MCTP1: variants seen among roughly 807,000 people sequenced by gnomAD.
MCTP1 encodes multiple C2 and transmembrane domain containing 1, also known as multiple C2 and transmembrane domain-containing protein 1.
MCTP1 carries 69 observed loss-of-function variants against 120.6 expected under a neutral mutation model. That is an observed-to-expected ratio of 0.57 (90% CI 0.47 to 0.70). The LOEUF (loss-of-function observed/expected upper bound fraction) is 0.70, where lower values mean the gene tolerates loss of function less well. Ranked by LOEUF, MCTP1 falls within the 30% of genes least tolerant of loss-of-function variation. MCTP1 has a pLI of 0.00. For synonymous variants in MCTP1, 529 were observed against 493.1 expected (o/e 1.07, Z -0.96); for missense variants, 1,203 against 1,248.8 (o/e 0.96, Z 0.55).
At chr5:95,143,135 C>T (rs1039437156) in intron 1 of MCTP1, among the ~76,000 whole-genome samples, 3 of 152,134 alleles carry the variant, frequency 2.0e-5, no homozygotes, top group African/African-American at 7.2e-5. Flanking sequence ...CCACAGGACA[C>T]CAGCCCACCA....
chr5:95,251,726 C>A (rs1308984367), intron 1 of MCTP1, among the ~76,000 whole-genome samples: 2 of 152,048 alleles, frequency 1.3e-5, no homozygotes, highest in Non-Finnish European at 2.9e-5. Context: ...ATGGTGCTTA[C>A]TATTATAGTA....
chr5:94,825,834 T>G (rs560655367), intron 17 of MCTP1: 2 of 169,710 alleles, frequency 1.2e-5, no homozygotes, highest in Admixed American at 6.4e-5. Context: ...CTTACCATTA[T>G]GTAATGCCCT....
intron 1 of MCTP1, among the ~76,000 whole-genome samples, chr5:95,057,459 A>T (rs1478048818): frequency 2.0e-5 from 3 of 152,228 alleles, no homozygotes; most frequent in Non-Finnish European, 4.4e-5. Flanking sequence ...CATATTAGAT[A>T]TAATTTACTA....
rs117720604 is a variant in MCTP1 at position 95,000,242 on chromosome 5, T to C, written c.838+17125A>G. On this transcript the variant is annotated intron_variant, in intron 2 of 22. Transcript: ENST00000515393. Reference sequence around the variant, plus strand: ...TAAAAGACTAGCACATACAGTTATGTACAAAACATAATACTTGAAAATGAT... The same window carrying C: ...TAAAAGACTAGCACATACAGTTATGCACAAAACATAATACTTGAAAATGAT... Among the ~76,000 whole-genome samples, 143 of 152,308 alleles carry C rather than the reference T, an allele frequency of 9.4e-4. 2 individuals are homozygous for C. The East Asian group carries it at 0.021, about 22-fold the overall frequency.
chr5:94,793,487 G>T (rs1200731288), intron 18 of MCTP1: 2 of 152,160 alleles, frequency 1.3e-5, no homozygotes, highest in Non-Finnish European at 2.9e-5. Flanking sequence ...TTTTAGATGT[G>T]TTTACAGGCT....
intron 2 of MCTP1, among the ~76,000 whole-genome samples, chr5:94,998,679 C>T (rs1229737991): frequency 1.3e-5 from 2 of 152,130 alleles, no homozygotes; most frequent in Non-Finnish European, 2.9e-5. Context: ...TGGTTCTAGT[C>T]AGATTGCAGA....
chr5:94,977,170 C>A (rs1030096373), intron 2 of MCTP1, among the ~76,000 whole-genome samples: 1 of 152,034 alleles, frequency 6.6e-6, no homozygotes, highest in Middle Eastern at 3.4e-3. Flanking sequence ...TTTTTATACA[C>A]TAACAATGAA....
intron 1 of MCTP1, among the ~76,000 whole-genome samples, chr5:95,126,555 C>A (rs970277048): frequency 2.0e-5 from 3 of 152,158 alleles, no homozygotes; most frequent in Non-Finnish European, 2.9e-5. Context: ...CGTATAAACA[C>A]CCCCTGTGTG....
intron 17 of MCTP1, among the ~76,000 whole-genome samples, chr5:94,847,682 G>GTGTGTGTGTA (rs1169588105): frequency 3.9e-5 from 4 of 102,378 alleles, no homozygotes; most frequent in Non-Finnish European, 7.9e-5. Flanking sequence ...GTGTGTGTGT[G>GTGTGTGTGTA]TATATATATA....
intron 1 of MCTP1, among the ~76,000 whole-genome samples, chr5:95,238,617 GA>G (rs1755817542): frequency 6.6e-6 from 1 of 152,154 alleles, no homozygotes; most frequent in South Asian, 2.1e-4. Context: ...GCTCATTCAG[GA>G]AAAGCAGAAC....
chr5:95,171,503 T>C (rs1231028425), intron 1 of MCTP1, among the ~76,000 whole-genome samples: 1 of 152,194 alleles, frequency 6.6e-6, no homozygotes, highest in African/African-American at 2.4e-5. Context: ...TCCTGCAGAG[T>C]GTTTTCCAAC....
At chr5:95,282,440 C>T (rs1337322314) in intron 1 of MCTP1, among the ~76,000 whole-genome samples, 4 of 152,042 alleles carry the variant, frequency 2.6e-5, no homozygotes, top group Non-Finnish European at 5.9e-5. Context: ...TAAAGTTCCC[C>T]AACTCTGAAA....
At chr5:94,920,479 A>C (rs1455669512) in intron 7 of MCTP1, among the ~76,000 whole-genome samples, 1 of 152,116 alleles carries the variant, frequency 6.6e-6, no homozygotes, top group African/African-American at 2.4e-5. Flanking sequence ...GCGGTGGCTC[A>C]CGCCTGTAAT....
chr5:94,887,189 T>G (rs1801545131), intron 12 of MCTP1, among the ~76,000 whole-genome samples: 1 of 152,198 alleles, frequency 6.6e-6, no homozygotes, highest in Admixed American at 6.5e-5. Flanking sequence ...TTATTTAGTA[T>G]TCCCCAAATT....
At chr5:95,178,824 C>T (rs1748301144) in intron 1 of MCTP1, among the ~76,000 whole-genome samples, 1 of 152,100 alleles carries the variant, frequency 6.6e-6, no homozygotes, top group Admixed American at 6.5e-5. Flanking sequence ...CAAACCAAGA[C>T]AAAATTTCTG....
At chr5:95,277,560 G>A (rs1194347899) in intron 1 of MCTP1, among the ~76,000 whole-genome samples, 1 of 152,212 alleles carries the variant, frequency 6.6e-6, no homozygotes, top group African/African-American at 2.4e-5. Flanking sequence ...CATTTATTGA[G>A]TAGTCTTCCC....
chr5:95,231,515 T>A (rs564117995), intron 1 of MCTP1, among the ~76,000 whole-genome samples: 1 of 151,962 alleles, frequency 6.6e-6, no homozygotes, highest in Non-Finnish European at 1.5e-5. Flanking sequence ...GACAGTAATA[T>A]CCAAAAAATA....
rs540535511 is a variant in MCTP1 at position 94,910,116 on chromosome 5, ATATG to A, written c.1522-739_1522-736del. On this transcript the variant is annotated intron_variant, in intron 9 of 22. Transcript: ENST00000515393. The stretch of plus-strand genomic sequence containing the variant: ...AAATAATAAATGAATATATGAGTAT[ATATG>A]TATGTATACATGTATATATGTATGA... Among the ~76,000 whole-genome samples the A allele has an allele frequency of 6.7e-3, 1,008 of 149,496 alleles. 5 individuals carry two copies. Among genetic ancestry groups the A allele is most frequent in the Non-Finnish European group, 0.011 (723 of 67,106 alleles).
intron 2 of MCTP1, among the ~76,000 whole-genome samples, chr5:94,975,854 T>G (rs1167032795): frequency 1.3e-5 from 2 of 152,110 alleles, no homozygotes; most frequent in African/African-American, 2.4e-5. Context: ...TAGGCCTTTT[T>G]CTTACACTCC....
Sources: gnomAD v4.1 joint callset for allele counts (sites outside exome capture counted in the v4.1 genomes callset) on GRCh38, gnomAD v4.1.1 for gene constraint, MANE v1.5 for transcripts, NCBI Gene and HGNC (gene_info 2026-07-23, HGNC 2026-07-21) for gene names.